Variants in CLPX observed in about 807,000 individuals in gnomAD.
CLPX encodes the protein ATP-dependent clpX-like chaperone, mitochondrial.
CLPX carries 34 observed loss-of-function variants against 76.4 expected under a neutral mutation model. The ratio of observed to expected loss-of-function variants is 0.45; its 90% CI spans 0.34 to 0.59. The LOEUF is 0.59. Ranked by LOEUF, CLPX falls within the 20% of genes least tolerant of loss-of-function variation. The probability of loss-of-function intolerance (pLI) is 0.01; values close to 1 mark genes in which losing one functional copy is unlikely to be tolerated. For synonymous variants in CLPX, 248 were observed against 270.9 expected (o/e 0.92, Z 0.83); for missense variants, 613 against 757.0 (o/e 0.81, Z 2.23).
chr15:65,159,806 C>G (rs923170762), intron 6 of CLPX, among the ~76,000 whole-genome samples: 1 of 149,828 alleles, frequency 6.7e-6, no homozygotes, highest in Non-Finnish European at 1.5e-5. Flanking sequence ...TTTACATTTT[C>G]TTTTCTTTTT....
At chr15:65,175,143 A>T (rs902304756) in intron 3 of CLPX, among the ~76,000 whole-genome samples, 4 of 152,244 alleles carry the variant, frequency 2.6e-5, no homozygotes, top group Non-Finnish European at 4.4e-5. Flanking sequence ...ACAACTGACC[A>T]AAAAGCATAT....
chr15:65,153,064 A>G (rs1427709109), intron 12 of CLPX, among the ~76,000 whole-genome samples: 5 of 151,902 alleles, frequency 3.3e-5, no homozygotes, highest in Non-Finnish European at 1.5e-5. Context: ...TTTCTGTGTC[A>G]TTAATCATAT....
intron 5 of CLPX, among the ~76,000 whole-genome samples, 175 bp from the exon 6 acceptor site, chr15:65,162,820 G>A (rs373730062): frequency 2.9e-4 from 44 of 152,156 alleles, no homozygotes; most frequent in African/African-American, 9.4e-4. Context: ...CATAAAGACC[G>A]CTGTCCAGTT....
rs775288540 is a variant in CLPX, at chr15:65,154,996, G to A, written c.1397C>T (p.Ser466Leu). ...AADLANRSGE[S>L]NTHQDIEEKD... ...TTCTTCAATGTCTTGGTGAGTATTC[G>A]ATTCCCCACTTCGATTAGCAAGGTC... Residue 466 changes from serine (S) to leucine (L), a missense_variant, in exon 11 of 14, where the codon TCG becomes TTG. By Grantham distance (145) the Ser-to-Leu change is moderately radical. This residue lies in a region of CLPX where 450 missense variants were observed against 638.6 expected (regional missense o/e 0.70). Coordinates refer to ENST00000300107, the MANE Select transcript of CLPX (RefSeq NM_006660.5). 3.2e-5 allele frequency: 51 copies of A among 1,613,876 alleles called. No homozygotes were observed. Among genetic ancestry groups the A allele is most frequent in the Admixed American group, 1.8e-4 (11 of 59,974 alleles).
At chr15:65,161,702 A>C (rs1489149580) in intron 6 of CLPX, among the ~76,000 whole-genome samples, 1 of 152,190 alleles carries the variant, frequency 6.6e-6, no homozygotes, top group Non-Finnish European at 1.5e-5. Context: ...TTTTATTATG[A>C]AATAAATTAC....
intron 3 of CLPX, among the ~76,000 whole-genome samples, chr15:65,168,797 T>C (rs989561289): frequency 6.6e-6 from 1 of 151,972 alleles, no homozygotes; most frequent in African/African-American, 2.4e-5. Context: ...TTTATAAGGA[T>C]TTCTCAATTC....
intron 6 of CLPX, among the ~76,000 whole-genome samples, chr15:65,161,603 TAC>T (rs1172783489): frequency 6.6e-6 from 1 of 152,246 alleles, no homozygotes; most frequent in Admixed American, 6.5e-5. Context: ...AAATATGCAC[TAC>T]AGACTTTCTT....
chr15:65,183,008 T>C (rs537489578), intron 1 of CLPX, among the ~76,000 whole-genome samples: 99 of 149,696 alleles, frequency 6.6e-4, no homozygotes, highest in Middle Eastern at 3.5e-3. Flanking sequence ...ACTAAAAATA[T>C]AAAAATTAGT....
intron 3 of CLPX, among the ~76,000 whole-genome samples, chr15:65,172,191 A>G (rs2088018743): frequency 6.6e-6 from 1 of 151,970 alleles, no homozygotes; most frequent in African/African-American, 2.4e-5. Context: ...TCAAACTCCC[A>G]ACCTCAGGTG....
rs2088191033 is a variant in CLPX at position 65,182,693 on chromosome 15, T to C, written c.79+2382A>G. On this transcript the variant is annotated intron_variant, in intron 1 of 13. Transcript: ENST00000300107. ...TCTCTGAATTCTATTCAAGGACCCT[T>C]TGGAGGCCTGTAAACCCCAGGTGAA... Among the ~76,000 whole-genome samples the C allele has an allele frequency of 4.6e-5, 7 of 152,334 alleles. 1 individual carries two copies. In the South Asian group the frequency reaches 1.4e-3, roughly 32 times the overall value.
At chr15:65,160,946 A>G (rs769067357) in intron 6 of CLPX, among the ~76,000 whole-genome samples, 2 of 152,188 alleles carry the variant, frequency 1.3e-5, no homozygotes, top group Non-Finnish European at 2.9e-5. Context: ...TTAGCTGCAC[A>G]GAGCTCACCA....
rs745748911 is a variant in CLPX at position 65,185,171 on chromosome 15, C to T, written c.-18G>A. The T allele has an allele frequency of 6.4e-6, 10 of 1,553,242 alleles. No individual in the cohort carries two copies. In the East Asian group the frequency reaches 1.4e-4, roughly 22 times the overall value. On this transcript the variant is annotated 5_prime_UTR_variant, in exon 1 of 14. Transcript: ENST00000300107. ...CTGGGCATCTCCGCGAGGCCTAGGC[C>T]GGGGCTTCGCCCCCTGAGGACCTCC...
rs190039816 is a variant in CLPX, at chr15:65,174,353, C to T, written c.358+4581G>A. On this transcript the variant is annotated intron_variant, in intron 3 of 13. Transcript: ENST00000300107. ...GATCTCGGCTCACTGCAACCTCCGC[C>T]TCCCGGGTTCAAGCAATTCTCCTGT... Among the ~76,000 whole-genome samples, 652 of 150,946 alleles carry T rather than the reference C, an allele frequency of 4.3e-3. 13 individuals carry two copies. Among genetic ancestry groups the T allele is most frequent in the Admixed American group, 0.04 (604 of 15,112 alleles).
chr15:65,160,623 T>TCTCTCACACACACA (rs1219208926), intron 6 of CLPX, among the ~76,000 whole-genome samples: 6 of 101,028 alleles, frequency 5.9e-5, no homozygotes, highest in African/African-American at 1.5e-4. Flanking sequence ...TCTCTCTCTC[T>TCTCTCACACACACA]CACACACACA....
chr15:65,149,005 T>C lies in CLPX; in HGVS notation c.*1818A>G, dbSNP rs542868886. The C allele has an allele frequency of 3.3e-5, 5 of 152,358 alleles. No individual in the cohort carries two copies. The highest frequency in any genetic ancestry group is 4.1e-4 in the South Asian group (2 of 4,830). 9.4% of individuals were successfully genotyped at this position (152,358 alleles called of 1,614,324 possible). A position where few individuals can be genotyped will look rare whatever the true frequency, so the allele number is the denominator to read the frequency against. On this transcript the variant is annotated 3_prime_UTR_variant, in exon 14 of 14. Coordinates refer to ENST00000300107, the MANE Select transcript of CLPX (RefSeq NM_006660.5). ...ATTTACTTTGGCTGATAGCAAAACA[T>C]AGATTTTTTAAAATGTTCTAAGAAG...
rs1200554431 is a variant in CLPX, at chr15:65,149,843, G to GT, written c.*979dup. ...CCACTGCACTTCAGCTTGGGACAGC[G>GT]TGAGACTCCGCTCAATTAAAAAAAA... is the stretch of plus-strand genomic sequence containing the variant. On this transcript the variant is annotated 3_prime_UTR_variant, in exon 14 of 14. Coordinates refer to ENST00000300107, the MANE Select transcript of CLPX (RefSeq NM_006660.5). 7.1e-6 allele frequency: 1 copy of GT among 140,542 alleles called. No homozygotes were observed. The highest frequency in any genetic ancestry group is 2.6e-5 in the African/African-American group (1 of 38,028). 8.7% of individuals were successfully genotyped at this position (140,542 alleles called of 1,614,324 possible).
rs1171090451 is a variant in CLPX at position 65,158,768 on chromosome 15, A to C, written c.716-17T>G. On this transcript the variant is annotated splice_polypyrimidine_tract_variant and intron_variant, in intron 6 of 13. Coordinates refer to ENST00000300107, the MANE Select transcript of CLPX (RefSeq NM_006660.5). The stretch of plus-strand genomic sequence containing the variant: ...GAAGCAATTCTGAAAAAAATGCCAA[A>C]GGAATTACTTGAGCTTCATTTGAAT... 1.3e-6 allele frequency: 2 copies of C among 1,555,846 alleles called. No individual in the cohort carries two copies. The highest frequency in any genetic ancestry group is 1.2e-5 in the South Asian group (1 of 80,538).
At position 65,185,279 on chromosome 15, in the gene CLPX, G is replaced by T; in HGVS notation, c.-126C>A. ...TCGCGGGCCCTAGACCCCGTGGAGA[G>T]TTCACCTGCCCGGCAGCCAGGCCTT... On this transcript the variant is annotated 5_prime_UTR_variant, in exon 1 of 14. Coordinates refer to ENST00000300107, the MANE Select transcript of CLPX (RefSeq NM_006660.5). 4.2e-6 allele frequency: 3 copies of T among 714,818 alleles called. No individual in the cohort carries two copies. The highest frequency in any genetic ancestry group is 4.7e-6 in the Non-Finnish European group (2 of 428,096). The allele number at this position is 714,818 out of a possible 1,614,324, so 44.3% of individuals were successfully genotyped here. A position where few individuals can be genotyped will look rare whatever the true frequency, so the allele number is the denominator to read the frequency against.
intron 3 of CLPX, among the ~76,000 whole-genome samples, chr15:65,168,307 C>T (rs1025174136): frequency 5.5e-5 from 7 of 127,508 alleles, no homozygotes; most frequent in Non-Finnish European, 1.1e-4. Context: ...TGGTATGAAC[C>T]CGGGAGGTGG....
Sources: allele counts gnomAD v4.1 joint callset (sites outside exome capture counted in the v4.1 genomes callset), GRCh38; gene constraint gnomAD v4.1.1; regional missense constraint gnomAD v4.1.1; transcripts MANE v1.5; gene names NCBI Gene and HGNC (gene_info 2026-07-23, HGNC 2026-07-21).